NCOR2: variants seen among roughly 807,000 people sequenced by gnomAD.
NCOR2 encodes CTG repeat protein 26.
NCOR2 carries 81 observed loss-of-function variants against 262.9 expected under a neutral mutation model. The observed-to-expected ratio is 0.31, with a 90% CI of 0.26 to 0.37. The LOEUF (loss-of-function observed/expected upper bound fraction) is 0.37, where lower values mean the gene tolerates loss of function less well. Ranked by LOEUF, NCOR2 falls within the 10% of genes least tolerant of loss-of-function variation. The pLI, the probability that NCOR2 is intolerant of heterozygous loss-of-function variation, is 1.00. For synonymous variants in NCOR2, 1,659 were observed against 1,559.3 expected (o/e 1.06, Z -1.51); for missense variants, 3,385 against 3,621.4 (o/e 0.93, Z 1.68).
Position 124,503,714 on chromosome 12 carries a change from A to G in NCOR2, c.-117-8346T>C, listed in dbSNP as rs1471276790. ...TGGATGGATGGATGGATGGATGGAC[A>G]GACGAATGGATGGATGGATGGACGG... On this transcript the variant is annotated intron_variant, in intron 1 of 46. Coordinates refer to the NCOR2 transcript ENST00000404621. This position sits in a 1 kb window ranked among gnomAD's most constrained non-coding sequence, Gnocchi z 4.3. Among the ~76,000 whole-genome samples the G allele has an allele frequency of 8.0e-6, 1 of 125,196 alleles. No individual in the cohort carries two copies. Among genetic ancestry groups the G allele is most frequent in the Non-Finnish European group, 1.7e-5 (1 of 58,632 alleles). The allele number at this position is 125,196 out of a possible 152,430, so 82.1% of individuals were successfully genotyped here.
At chr12:124,372,113 C>T (rs2039564751) in exon 20 of NCOR2, 3 of 1,602,768 alleles carry the variant, frequency 1.9e-6, no homozygotes, top group East Asian at 2.2e-5. Context: ...GAGCTCTTGG[C>T]TGTGGTGGCC....
At chr12:124,325,646 C>T in intron 46 of NCOR2, 63 bp from the exon 49 acceptor site, 1 of 1,146,130 alleles carries the variant, frequency 8.7e-7, no homozygotes, top group East Asian at 3.2e-5. Context: ...CTGCTGGCCG[C>T]CTGCCCACCA....
At chr12:124,402,068 C>G (rs181849809) in intron 14 of NCOR2, among the ~76,000 whole-genome samples, 2 of 152,150 alleles carry the variant, frequency 1.3e-5, no homozygotes, top group African/African-American at 2.4e-5. Context: ...GAGGAAAGAG[C>G]GGGAGGAAGC....
chr12:124,355,893 C>A (rs1479162389), intron 23 of NCOR2, among the ~76,000 whole-genome samples: 1 of 152,172 alleles, frequency 6.6e-6, no homozygotes, highest in Non-Finnish European at 1.5e-5. Flanking sequence ...ACCAAAAGGA[C>A]CTTTTTGGAA....
intron 1 of NCOR2, among the ~76,000 whole-genome samples, chr12:124,507,160 G>A (rs2049093051): frequency 6.6e-6 from 1 of 152,160 alleles, no homozygotes; most frequent in African/African-American, 2.4e-5. Context: ...AATTCATAGA[G>A]ACAAAAAGGA....
chr12:124,378,333 T>G lies in NCOR2; in HGVS notation c.2071A>C (p.Ser691Arg). 6.2e-7 allele frequency: 1 copy of G among 1,613,964 alleles called. No individual in the cohort carries two copies. Among genetic ancestry groups the G allele is most frequent in the Non-Finnish European group, 8.5e-7 (1 of 1,179,902 alleles). Residue 691 changes from serine to arginine, a missense_variant, in exon 18 of 47, where the codon AGC becomes CGC. Physicochemically the swap from Ser to Arg is moderately radical, Grantham distance 110 (BLOSUM62 -1). Coordinates refer to ENST00000405201, the Ensembl canonical transcript of NCOR2. This position sits in a 1 kb window ranked among gnomAD's most constrained non-coding sequence, Gnocchi z 4.2. ...ACGGGCGGGAATGCAGCCTCCTCGC[T>G]GGCCGCCGCCGGCGCTTTCTTCTTC... is the stretch of plus-strand genomic sequence containing the variant.
At chr12:124,520,850 CCGT>C (rs2050145778) in intron 1 of NCOR2, among the ~76,000 whole-genome samples, 1 of 152,322 alleles carries the variant, frequency 6.6e-6, no homozygotes, top group Admixed American at 6.5e-5. Context: ...TTCCTGGAGC[CCGT>C]CTGCTGAGCA....
In NCOR2 at chr12:124,547,817, AC is replaced by A. The variant is rs1165438374; in HGVS notation, c.-164-12207del. 2.6e-5 allele frequency among the ~76,000 whole-genome samples: 4 copies of A among 152,282 alleles called. No homozygotes were observed. The East Asian group carries it at 7.7e-4, about 29-fold the overall frequency. On this transcript the variant is annotated intron_variant, in intron 1 of 32. Transcript: ENST00000458234. ...ACTCAGCATCATGGTTTCAAGGTTC[AC>A]CCGCAGTGTAGCATGCATCCGTACT...
chr12:124,372,516 G>A, exon 20 of NCOR2: 2 of 1,593,712 alleles, frequency 1.3e-6, no homozygotes, highest in Non-Finnish European at 1.7e-6. Context: ...CGCCCAGGGT[G>A]GCTGGGGGCT....
Position 124,346,453 on chromosome 12 carries a change from C to T in NCOR2, c.4359+111G>A, listed in dbSNP as rs74964288. The T allele has an allele frequency of 1.3e-3, 1,514 of 1,201,582 alleles. 17 individuals are homozygous for T. The African/African-American group carries it at 0.019, about 15-fold the overall frequency. 74.4% of individuals were successfully genotyped at this position (1,201,582 alleles called of 1,614,324 possible). A position where few individuals can be genotyped will look rare whatever the true frequency, so the allele number is the denominator to read the frequency against. ...TGAGCAGCTGGGTGACTGTAAGGTACGCGAGGGCTCTCAGCCTCGGTTTCC... is the reference window on the plus strand; with the variant it reads ...TGAGCAGCTGGGTGACTGTAAGGTATGCGAGGGCTCTCAGCCTCGGTTTCC... On this transcript the variant is annotated intron_variant, in intron 31 of 46. Coordinates refer to ENST00000405201, the Ensembl canonical transcript of NCOR2.
At chr12:124,485,451 C>T (rs1017470912) in intron 2 of NCOR2, among the ~76,000 whole-genome samples, 1 of 152,258 alleles carries the variant, frequency 6.6e-6, no homozygotes, top group African/African-American at 2.4e-5. Context: ...CTGGAGGAGA[C>T]AGAAAAGCAT....
chr12:124,336,654 C>T (rs1414862787), intron 38 of NCOR2, 99 bp downstream of exon 40: 23 of 1,521,986 alleles, frequency 1.5e-5, no homozygotes, highest in Non-Finnish European at 1.8e-5. Context: ...CGAGGGGAGC[C>T]GTTGGCCAGC....
chr12:124,339,926 A>G, intron 37 of NCOR2, 80 bp downstream of exon 39: 1 of 451,352 alleles, frequency 2.2e-6, no homozygotes, highest in Non-Finnish European at 3.3e-6. Context: ...ACCTCCCACC[A>G]AGCATCCTCT....
chr12:124,460,958 CCCAAGGCCCAGCTTGCAGGGGACG>C (rs1385239598), intron 5 of NCOR2, among the ~76,000 whole-genome samples: 1 of 152,258 alleles, frequency 6.6e-6, no homozygotes, highest in African/African-American at 2.4e-5. Context: ...CCCATGCGGG[CCCAAGGCCCAGCTTGCAGGGGACG>C]CCAGGACACA....
In NCOR2 at chr12:124,559,864, C is replaced by T. The variant is rs1443284805; in HGVS notation, c.-165+7444G>A. Among the ~76,000 whole-genome samples, 6 of 152,144 alleles carry T rather than the reference C, an allele frequency of 3.9e-5. No individual in the cohort carries two copies. In the South Asian group the frequency reaches 1.2e-3, roughly 32 times the overall value. On this transcript the variant is annotated intron_variant, in intron 1 of 32. Transcript: ENST00000458234. ...TTACGGCTTTGGAAAATTGTGAAAA[C>T]GACGCAGTGCCACAGAGTAGGTGCT...
At chr12:124,354,631 C>T (rs571616070) in intron 25 of NCOR2, 49 bp from the exon 28 acceptor site, 7 of 1,457,364 alleles carry the variant, frequency 4.8e-6, no homozygotes, top group African/African-American at 2.8e-5. Flanking sequence ...AGCAGGGTCC[C>T]GGGAGGCTTG....
At chr12:124,340,624 G>A (rs769015833) in exon 35 of NCOR2, 1 of 1,495,980 alleles carries the variant, frequency 6.7e-7, no homozygotes, top group African/African-American at 1.4e-5. Context: ...GGGAGCTGCT[G>A]TGGCGGCTGC....
rs1418999401 is a variant in NCOR2 at position 124,443,688 on chromosome 12, A to T, written c.816-5692T>A. ...CAGCTAATTTTCGTATTTTTAGTAGAGACGGGGTTTCACTATATTGGCCAG... is the reference window on the plus strand; with the variant it reads ...CAGCTAATTTTCGTATTTTTAGTAGTGACGGGGTTTCACTATATTGGCCAG... On this transcript the variant is annotated intron_variant, in intron 7 of 46. Transcript: ENST00000405201. The surrounding 1 kb of genome is among the most constrained non-coding windows in gnomAD (Gnocchi z 4.4). Among the ~76,000 whole-genome samples, 1 of 151,944 alleles carries T rather than the reference A, an allele frequency of 6.6e-6. No homozygotes were observed. The highest frequency in any genetic ancestry group is 6.6e-5 in the Admixed American group (1 of 15,256).
intron 1 of NCOR2, among the ~76,000 whole-genome samples, chr12:124,551,024 C>T (rs931674099): frequency 3.3e-5 from 5 of 152,232 alleles, no homozygotes; most frequent in South Asian, 2.1e-4. Context: ...AGCTGGTTTG[C>T]ACCAGCACAT....
Sources: gnomAD v4.1 joint callset for allele counts (sites outside exome capture counted in the v4.1 genomes callset) on GRCh38, gnomAD v4.1.1 for gene constraint, Gnocchi (gnomAD v3.1) non-coding constraint, MANE v1.5 for transcripts, NCBI Gene and HGNC (gene_info 2026-07-23, HGNC 2026-07-21) for gene names.